Variants in GRM7 observed in about 807,000 individuals in gnomAD.
GRM7 encodes glutamate metabotropic receptor 7.
GRM7 carries 35 observed loss-of-function variants against 84.5 expected under a neutral mutation model. That is an observed-to-expected ratio of 0.41 (90% confidence interval 0.32 to 0.55). The LOEUF (loss-of-function observed/expected upper bound fraction) is 0.55. Among genes scored for constraint, GRM7 ranks in the 20% least tolerant of loss-of-function variants. The pLI is 0.19. For synonymous variants in GRM7, 487 were observed against 455.1 expected, an observed-to-expected ratio of 1.07 and a Z score of -0.89; for missense variants, 1,003 against 1,194.6, an observed-to-expected ratio of 0.84 and a Z score of 2.36.
intron 4 of GRM7, among the ~76,000 whole-genome samples, chr3:7,376,554 C>T (rs573403685): frequency 1.3e-5 from 2 of 152,326 alleles, no homozygotes; most frequent in East Asian, 3.9e-4. Flanking sequence ...GGTTAAGCAG[C>T]TTCAGGGGCA....
chr3:7,668,142 G>A (rs1420365678), intron 8 of GRM7, among the ~76,000 whole-genome samples: 1 of 152,216 alleles, frequency 6.6e-6, no homozygotes, highest in African/African-American at 2.4e-5. Flanking sequence ...CAGGACAGCA[G>A]AGTCCACTCC....
intron 7 of GRM7, among the ~76,000 whole-genome samples, chr3:7,559,597 C>T (rs957353760): frequency 6.6e-6 from 1 of 151,974 alleles, no homozygotes; most frequent in East Asian, 1.9e-4. Flanking sequence ...TATATCCTGG[C>T]CAAAAGAGCA....
chr3:7,461,752 T>A, intron 7 of GRM7, 30 bp downstream of exon 7: 1 of 1,603,814 alleles, frequency 6.2e-7, no homozygotes, highest in Non-Finnish European at 8.5e-7. Flanking sequence ...CTTCTTCCCT[T>A]GTTGAGATGA....
intron 2 of GRM7, among the ~76,000 whole-genome samples, chr3:7,212,225 CTG>C (rs1006135664): frequency 5.4e-5 from 8 of 147,906 alleles, no homozygotes; most frequent in African/African-American, 1.8e-4. Flanking sequence ...TCTTTTTGGA[CTG>C]AGCTTTAGAT....
At chr3:7,182,232 A>G (rs1695363656) in intron 2 of GRM7, among the ~76,000 whole-genome samples, 1 of 152,204 alleles carries the variant, frequency 6.6e-6, no homozygotes, top group Non-Finnish European at 1.5e-5. Context: ...AAAAAAAACT[A>G]TTAAAATAAA....
intron 8 of GRM7, among the ~76,000 whole-genome samples, chr3:7,651,797 G>A (rs1033347186): frequency 2.0e-5 from 3 of 152,190 alleles, no homozygotes; most frequent in Admixed American, 1.3e-4. Flanking sequence ...GAAGCTTAAT[G>A]GATGTGGTCC....
chr3:6,992,283 T>A (rs909178704), intron 1 of GRM7, among the ~76,000 whole-genome samples: 1 of 152,222 alleles, frequency 6.6e-6, no homozygotes, highest in Non-Finnish European at 1.5e-5. Flanking sequence ...AACCAGCCTG[T>A]GCTTTGATTT....
chr3:7,484,646 A>G (rs1469151335), intron 7 of GRM7, among the ~76,000 whole-genome samples: 1 of 152,182 alleles, frequency 6.6e-6, no homozygotes, highest in Non-Finnish European at 1.5e-5. Context: ...CAGTTCTTAG[A>G]ACTGGAATAC....
At chr3:7,397,340 A>G (rs1695251365) in intron 4 of GRM7, among the ~76,000 whole-genome samples, 1 of 152,140 alleles carries the variant, frequency 6.6e-6, no homozygotes. Context: ...TCTGTAATTC[A>G]ATAAAGGAAA....
chr3:7,288,639 C>T (rs1412149844), intron 2 of GRM7, among the ~76,000 whole-genome samples: 1 of 151,884 alleles, frequency 6.6e-6, no homozygotes, highest in African/African-American at 2.4e-5. Flanking sequence ...GCTTTGGAAC[C>T]AATAAAAGCA....
intron 1 of GRM7, among the ~76,000 whole-genome samples, chr3:6,902,241 T>C (rs1696414208): frequency 6.6e-6 from 1 of 152,154 alleles, no homozygotes. Context: ...AGAAATTTGT[T>C]TTGTCTTCTG....
Position 7,612,284 on chromosome 3 carries a change from C to T in GRM7, c.2451+32927C>T, listed in dbSNP as rs186444773. 1.3e-4 allele frequency among the ~76,000 whole-genome samples: 20 copies of T among 152,246 alleles called. No individual in the cohort carries two copies. In the East Asian group the frequency reaches 2.3e-3, roughly 18 times the overall value. On this transcript the variant is annotated intron_variant, in intron 8 of 9. Coordinates refer to ENST00000357716, the MANE Select transcript of GRM7 (RefSeq NM_000844.4). ...CTCATCTATAAGATAGGTGTGGCAA[C>T]AATAGTAACTACTTCCTGGAGTTTA... is the stretch of plus-strand genomic sequence containing the variant.
At chr3:7,065,240 G>A (rs1697612786) in intron 1 of GRM7, among the ~76,000 whole-genome samples, 1 of 151,712 alleles carries the variant, frequency 6.6e-6, no homozygotes, top group African/African-American at 2.4e-5. Flanking sequence ...TTGCTTTTGG[G>A]TTCTTGGTCA....
chr3:6,892,354 A>T (rs1229703404), intron 1 of GRM7, among the ~76,000 whole-genome samples: 1 of 149,046 alleles, frequency 6.7e-6, no homozygotes, highest in East Asian at 1.9e-4. Context: ...GCAGGCCTGC[A>T]CATACACTTA....
intron 1 of GRM7, among the ~76,000 whole-genome samples, chr3:6,924,863 C>A (rs572530188): frequency 2.6e-5 from 4 of 152,202 alleles, no homozygotes; most frequent in African/African-American, 9.6e-5. Flanking sequence ...GAGAGAGAGA[C>A]AGGAAATATC....
At chr3:7,021,468 A>G (rs1372315962) in intron 1 of GRM7, among the ~76,000 whole-genome samples, 4 of 152,222 alleles carry the variant, frequency 2.6e-5, no homozygotes, top group Non-Finnish European at 4.4e-5. Context: ...AAGGTCACTT[A>G]TGTGGTAATT....
chr3:6,968,100 T>A (rs1031493889), intron 1 of GRM7, among the ~76,000 whole-genome samples: 2 of 152,218 alleles, frequency 1.3e-5, no homozygotes, highest in African/African-American at 4.8e-5. Flanking sequence ...TACAAATATC[T>A]GGAGGCCAGA....
At chr3:7,402,391 A>G (rs897760321) in intron 4 of GRM7, among the ~76,000 whole-genome samples, 12 of 152,202 alleles carry the variant, frequency 7.9e-5, no homozygotes, top group Admixed American at 5.2e-4. Flanking sequence ...TACTGCACCT[A>G]ATGCAATGTC....
chr3:7,326,091 A>C (rs1273768951), intron 4 of GRM7, among the ~76,000 whole-genome samples: 2 of 136,188 alleles, frequency 1.5e-5, no homozygotes, highest in Admixed American at 1.6e-4. Flanking sequence ...TTCTTGGCAA[A>C]GTGAAAAGAG....
Sources: allele counts gnomAD v4.1 joint callset (sites outside exome capture counted in the v4.1 genomes callset), GRCh38; gene constraint gnomAD v4.1.1; transcripts MANE v1.5; gene names NCBI Gene and HGNC (gene_info 2026-07-23, HGNC 2026-07-21).